Variants in MAN1A1 observed in about 807,000 individuals in gnomAD.
MAN1A1 encodes mannosidase alpha class 1A member 1, also known as mannosyl-oligosaccharide 1,2-alpha-mannosidase IA.
In MAN1A1, 29 loss-of-function variants were observed where a neutral mutation model predicts 70.8. The ratio of observed to expected loss-of-function variants is 0.41; its 90% confidence interval spans 0.31 to 0.56. The LOEUF (loss-of-function observed/expected upper bound fraction) is 0.56, where lower values mean the gene tolerates loss of function less well. Among genes scored for constraint, MAN1A1 ranks in the 20% least tolerant of loss-of-function variants. MAN1A1 has a pLI of 0.29. For synonymous variants in MAN1A1, 349 were observed against 330.1 expected, an observed-to-expected ratio of 1.06 and a Z score of -0.62; for missense variants, 747 against 841.3, an observed-to-expected ratio of 0.89 and a Z score of 1.39.
intron 2 of MAN1A1, among the ~76,000 whole-genome samples, chr6:119,325,663 G>C (rs1466832460): frequency 6.6e-6 from 1 of 152,032 alleles, no homozygotes; most frequent in African/African-American, 2.4e-5. Context: ...CGGGGGCAGG[G>C]GGATGTGGAT....
At position 119,178,071 on chromosome 6, in the gene MAN1A1, AAAT is replaced by A. The variant is rs1444162764; in HGVS notation, c.*1745_*1747del. 1.3e-5 allele frequency: 2 copies of A among 152,162 alleles called. No individual in the cohort carries two copies. The allele number at this position is 152,162 out of a possible 1,614,324, so 9.4% of individuals were successfully genotyped here. ...GGATCACAGACACACATTAGCATGG[AAAT>A]AATGATGTACGGAAGAGTCTTTTTC... On this transcript the variant is annotated 3_prime_UTR_variant, in exon 13 of 13. Coordinates refer to ENST00000368468, the MANE Select transcript of MAN1A1 (RefSeq NM_005907.4).
intron 5 of MAN1A1, among the ~76,000 whole-genome samples, chr6:119,286,135 A>G (rs1423273515): frequency 6.6e-6 from 1 of 152,146 alleles, no homozygotes; most frequent in African/African-American, 2.4e-5. Flanking sequence ...ATTTTTTTGC[A>G]GAATCAGGCA....
intron 6 of MAN1A1, among the ~76,000 whole-genome samples, chr6:119,216,545 C>T (rs1774209024): frequency 6.6e-6 from 1 of 151,962 alleles, no homozygotes; most frequent in Non-Finnish European, 1.5e-5. Flanking sequence ...GTGGTAAAGA[C>T]AAGCATGCGT....
chr6:119,250,943 T>G (rs988401465), intron 5 of MAN1A1, among the ~76,000 whole-genome samples: 3 of 152,202 alleles, frequency 2.0e-5, no homozygotes, highest in African/African-American at 7.2e-5. Context: ...ACTGACATTA[T>G]TTTCTGGTCA....
chr6:119,202,998 G>C (rs76582438), intron 7 of MAN1A1, among the ~76,000 whole-genome samples: 1 of 67,626 alleles, frequency 1.5e-5, no homozygotes, highest in East Asian at 9.8e-4. Flanking sequence ...CTCTCTCTCT[G>C]TGACTCCTTC....
chr6:119,186,833 G>C (rs890279435), intron 11 of MAN1A1, among the ~76,000 whole-genome samples: 33 of 152,104 alleles, frequency 2.2e-4, no homozygotes. Context: ...AGTTTTTCTG[G>C]TTTAAAAAAT....
intron 6 of MAN1A1, among the ~76,000 whole-genome samples, chr6:119,228,009 TTA>T (rs1774568201): frequency 6.6e-6 from 1 of 152,126 alleles, no homozygotes; most frequent in African/African-American, 2.4e-5. Context: ...CCAAAACTTT[TTA>T]AAAAATATGA....
chr6:119,248,420 T>G, intron 5 of MAN1A1, 66 bp from the exon 6 acceptor site: 8 of 804,210 alleles, frequency 9.9e-6, no homozygotes, highest in Non-Finnish European at 1.7e-5. Context: ...TATACTATTA[T>G]CTAATAGTTA....
chr6:119,193,965 C>CT, intron 8 of MAN1A1, 73 bp from the exon 9 acceptor site: 1 of 852,930 alleles, frequency 1.2e-6, no homozygotes. Flanking sequence ...ATCACATTAG[C>CT]AACTAGGATG....
chr6:119,299,889 A>G (rs1465704602), intron 4 of MAN1A1, among the ~76,000 whole-genome samples: 7 of 152,112 alleles, frequency 4.6e-5, no homozygotes, highest in Non-Finnish European at 1.0e-4. Flanking sequence ...TCCTCCACCA[A>G]CCCCAACCTC....
intron 2 of MAN1A1, among the ~76,000 whole-genome samples, chr6:119,311,135 A>G (rs1772688798): frequency 6.6e-6 from 1 of 152,236 alleles, no homozygotes; most frequent in African/African-American, 2.4e-5. Flanking sequence ...TGATGATTAA[A>G]TAAAACAAGG....
chr6:119,189,658 A>T lies in MAN1A1; in HGVS notation c.1546+6T>A. 6.2e-7 allele frequency: 1 copy of T among 1,608,374 alleles called. No individual in the cohort carries two copies. Among genetic ancestry groups the T allele is most frequent in the South Asian group, 1.1e-5 (1 of 90,934 alleles). ...AGACCATAAATGAAGAATAACATGTACTCACATGTTCGATTATATGATTCA... is the reference window on the plus strand; with the variant it reads ...AGACCATAAATGAAGAATAACATGTTCTCACATGTTCGATTATATGATTCA... On this transcript the variant is annotated splice_donor_region_variant and intron_variant, in intron 10 of 12. Coordinates refer to ENST00000368468, the MANE Select transcript of MAN1A1 (RefSeq NM_005907.4).
intron 2 of MAN1A1, among the ~76,000 whole-genome samples, chr6:119,315,743 G>A (rs1409745985): frequency 6.6e-6 from 1 of 152,138 alleles, no homozygotes; most frequent in East Asian, 1.9e-4. Context: ...TTCCTTTTTG[G>A]AAGGAAGCAC....
intron 7 of MAN1A1, among the ~76,000 whole-genome samples, chr6:119,201,750 A>C (rs1773717796): frequency 6.6e-6 from 1 of 152,228 alleles, no homozygotes; most frequent in Non-Finnish European, 1.5e-5. Context: ...GGCACAGCCT[A>C]CTGTTTCTAG....
chr6:119,321,186 T>A (rs1029686573), intron 2 of MAN1A1, among the ~76,000 whole-genome samples: 1 of 152,224 alleles, frequency 6.6e-6, no homozygotes, highest in Non-Finnish European at 1.5e-5. Flanking sequence ...GTCAGTATAC[T>A]TGTGATCTTC....
chr6:119,299,719 C>T (rs1240037141), intron 4 of MAN1A1, among the ~76,000 whole-genome samples: 1 of 152,154 alleles, frequency 6.6e-6, no homozygotes, highest in Non-Finnish European at 1.5e-5. Context: ...AGTCTGATAT[C>T]CCCTACTAAA....
upstream of MAN1A1, chr6:119,349,811 C>A (rs1773855532): frequency 1.1e-6 from 1 of 952,184 alleles, no homozygotes; most frequent in Non-Finnish European, 1.3e-6. Flanking sequence ...GGCGACGCGG[C>A]CGGAGAGTGA....
rs758242737 is a variant in MAN1A1, at chr6:119,348,886, G to A, written c.180C>T (p.Phe60=). 1.4e-5 allele frequency: 21 copies of A among 1,535,722 alleles called. No individual in the cohort carries two copies. The highest frequency in any genetic ancestry group is 1.7e-4 in the Middle Eastern group (1 of 5,874). ...GCAGCTTGGAGGAGTCTGGCAGGAAGAAGATCGCCCCGAAGCAGAGCGTGA... is the reference window on the plus strand; with the variant it reads ...GCAGCTTGGAGGAGTCTGGCAGGAAAAAGATCGCCCCGAAGCAGAGCGTGA... ...AFITLCFGAI[F]FLPDSSKLLS... is the part of the protein sequence containing the mutation. Residue 60 remains phenylalanine (F), a synonymous_variant, in exon 2 of 13, where the codon TTC becomes TTT. Coordinates refer to ENST00000368468, the MANE Select transcript of MAN1A1 (RefSeq NM_005907.4).
intron 2 of MAN1A1, among the ~76,000 whole-genome samples, chr6:119,312,032 A>T (rs1226412200): frequency 2.0e-5 from 3 of 152,150 alleles, no homozygotes; most frequent in Non-Finnish European, 4.4e-5. Context: ...GACAGAGGCC[A>T]TGTTTGGCTC....
Sources: gnomAD v4.1 joint callset for allele counts (sites outside exome capture counted in the v4.1 genomes callset) on GRCh38, gnomAD v4.1.1 for gene constraint, MANE v1.5 for transcripts, NCBI Gene and HGNC (gene_info 2026-07-23, HGNC 2026-07-21) for gene names.